The following CPA6 variants were observed in gnomAD, a reference collection of about 807,000 sequenced individuals.
The protein encoded by CPA6 is carboxypeptidase A6, also known as carboxypeptidase B.
In CPA6, 58 loss-of-function variants were observed where a neutral mutation model predicts 63.3. That is an observed-to-expected ratio of 0.92 (90% CI 0.74 to 1.14). CPA6 has a LOEUF of 1.14. Among genes scored for constraint, CPA6 ranks in the 50% most tolerant of loss-of-function variants. CPA6 has a pLI of 0.00. For missense variants in CPA6, 565 were observed against 526.6 expected (o/e 1.07, Z -0.71); for synonymous variants, 185 against 179.0 (o/e 1.03, Z -0.27).
chr8:67,709,361 T>C (rs1322980218), intron 1 of CPA6, among the ~76,000 whole-genome samples: 1 of 152,236 alleles, frequency 6.6e-6, no homozygotes, highest in Non-Finnish European at 1.5e-5. Context: ...AACTTTTTAA[T>C]AAACTTTTAC....
chr8:67,518,925 T>G (rs1238276583), intron 2 of CPA6, among the ~76,000 whole-genome samples: 1 of 152,198 alleles, frequency 6.6e-6, no homozygotes, highest in Non-Finnish European at 1.5e-5. Context: ...ACTTGGCTGC[T>G]AGGGTAGGTC....
chr8:67,475,874 T>TCTC (rs1563967944), intron 8 of CPA6, among the ~76,000 whole-genome samples: 201 of 84,824 alleles, frequency 2.4e-3, no homozygotes, highest in East Asian at 5.1e-3. Flanking sequence ...TTTCTTTCTT[T>TCTC]CTTTCTCCTT....
intron 2 of CPA6, among the ~76,000 whole-genome samples, chr8:67,523,721 G>T (rs1404267984): frequency 6.6e-6 from 1 of 152,174 alleles, no homozygotes; most frequent in Non-Finnish European, 1.5e-5. Flanking sequence ...AGAAGCACTT[G>T]CCTATCTTTT....
intron 1 of CPA6, among the ~76,000 whole-genome samples, chr8:67,732,123 A>C (rs1472894790): frequency 6.6e-6 from 1 of 152,172 alleles, no homozygotes; most frequent in African/African-American, 2.4e-5. Context: ...ATATAAATAA[A>C]ATATCTGAGG....
At chr8:67,683,244 C>T (rs1816636324) in intron 1 of CPA6, among the ~76,000 whole-genome samples, 1 of 152,198 alleles carries the variant, frequency 6.6e-6, no homozygotes, top group Non-Finnish European at 1.5e-5. Flanking sequence ...AGGGTGTCTC[C>T]AATCCCTGCT....
rs991457635 is a variant in CPA6 at position 67,459,856 on chromosome 8, G to A, written c.838+23912C>T. 2.0e-5 allele frequency among the ~76,000 whole-genome samples: 3 copies of A among 152,130 alleles called. No homozygotes were observed. The East Asian group carries it at 5.8e-4, about 29-fold the overall frequency. ...TTTGGGTAATGATGTGTTAGTATAG[G>A]TTTTTATCCATTGTAATACATGTAC... On this transcript the variant is annotated intron_variant, in intron 8 of 10. Coordinates refer to ENST00000297770, the MANE Select transcript of CPA6 (RefSeq NM_020361.5).
intron 10 of CPA6, among the ~76,000 whole-genome samples, chr8:67,423,082 C>A (rs1008783838): frequency 5.3e-5 from 8 of 152,168 alleles, no homozygotes; most frequent in Admixed American, 5.2e-4. Context: ...ATTGTGTTCC[C>A]AGAAATGTCT....
At chr8:67,569,542 T>C in intron 2 of CPA6, 1 of 462,234 alleles carries the variant, frequency 2.2e-6, no homozygotes, top group Non-Finnish European at 4.4e-6. Flanking sequence ...GGAACAAAAT[T>C]CCACACAGGC....
chr8:67,713,083 A>G (rs867492026), intron 1 of CPA6, among the ~76,000 whole-genome samples: 286 of 75,816 alleles, frequency 3.8e-3, no homozygotes, highest in African/African-American at 0.013. Flanking sequence ...CTGTGTGTGT[A>G]TGTGTGTGTG....
chr8:67,505,084 A>G (rs1811900690), intron 6 of CPA6, among the ~76,000 whole-genome samples: 1 of 152,178 alleles, frequency 6.6e-6, no homozygotes, highest in African/African-American at 2.4e-5. Context: ...AATTTAGCCC[A>G]GGTTACAGTG....
intron 2 of CPA6, among the ~76,000 whole-genome samples, chr8:67,548,833 C>A (rs1812879763): frequency 6.6e-6 from 1 of 152,146 alleles, no homozygotes; most frequent in Non-Finnish European, 1.5e-5. Context: ...GCAGAAACAC[C>A]AGCTCAGGTG....
intron 10 of CPA6, among the ~76,000 whole-genome samples, chr8:67,427,304 G>A (rs1454813361): frequency 2.0e-5 from 3 of 152,008 alleles, no homozygotes; most frequent in Admixed American, 2.0e-4. Flanking sequence ...AGATTTTTTT[G>A]TCCTGTTATT....
chr8:67,430,166 T>C (rs1809990905), intron 9 of CPA6, among the ~76,000 whole-genome samples: 1 of 143,358 alleles, frequency 7.0e-6, no homozygotes, highest in African/African-American at 2.8e-5. Context: ...TGTGTGTGTG[T>C]GTGTGTATAT....
chr8:67,611,913 T>A (rs1814816801), intron 2 of CPA6, among the ~76,000 whole-genome samples: 1 of 152,272 alleles, frequency 6.6e-6, no homozygotes, highest in African/African-American at 2.4e-5. Context: ...CATCAAGTTC[T>A]TATTCCCTTC....
At chr8:67,465,385 C>T (rs1810902484) in intron 8 of CPA6, among the ~76,000 whole-genome samples, 1 of 152,064 alleles carries the variant, frequency 6.6e-6, no homozygotes, top group Non-Finnish European at 1.5e-5. Context: ...TTATCAGTTC[C>T]AGGATGCTTT....
chr8:67,655,053 G>A (rs150778861), intron 1 of CPA6, among the ~76,000 whole-genome samples: 1 of 152,100 alleles, frequency 6.6e-6, no homozygotes, highest in African/African-American at 2.4e-5. Context: ...ATGTTACAAG[G>A]TTACACAATA....
chr8:67,663,751 A>G (rs1816169752), intron 1 of CPA6, among the ~76,000 whole-genome samples: 2 of 152,156 alleles, frequency 1.3e-5, no homozygotes, highest in Middle Eastern at 3.4e-3. Flanking sequence ...TATGTACCAC[A>G]TTTTCTTTGT....
intron 8 of CPA6, among the ~76,000 whole-genome samples, chr8:67,473,592 T>TA (rs2128959463): frequency 6.6e-6 from 1 of 152,202 alleles, no homozygotes; most frequent in South Asian, 2.1e-4. Flanking sequence ...TGGCTAGTTT[T>TA]AAGGGGATTT....
intron 2 of CPA6, among the ~76,000 whole-genome samples, chr8:67,546,903 T>C (rs1812828860): frequency 6.6e-6 from 1 of 152,030 alleles, no homozygotes. Context: ...CAGCTCACGG[T>C]GGCCTCCAAC....
Sources: allele counts gnomAD v4.1 joint callset (sites outside exome capture counted in the v4.1 genomes callset), GRCh38; gene constraint gnomAD v4.1.1; transcripts MANE v1.5; gene names NCBI Gene and HGNC (gene_info 2026-07-23, HGNC 2026-07-21).